Variants in TBXAS1 observed in about 807,000 individuals in gnomAD.
TBXAS1 encodes thromboxane A synthase 1.
In TBXAS1, 48 loss-of-function variants were observed where a neutral mutation model predicts 60.7. The observed-to-expected ratio is 0.79, with a 90% CI of 0.63 to 1.01. The LOEUF is 1.01. Ranked by LOEUF, TBXAS1 falls within the 50% of genes least tolerant of loss-of-function variation. The probability of loss-of-function intolerance (pLI) is 0.00; values close to 1 mark genes in which losing one functional copy is unlikely to be tolerated. For missense variants in TBXAS1, 685 were observed against 686.3 expected, an observed-to-expected ratio of 1.00 and a Z score of 0.02; for synonymous variants, 287 against 269.7, an observed-to-expected ratio of 1.06 and a Z score of -0.63.
At chr7:139,879,184 C>T (rs954043500) in intron 3 of TBXAS1, among the ~76,000 whole-genome samples, 4 of 152,172 alleles carry the variant, frequency 2.6e-5, no homozygotes, top group Non-Finnish European at 5.9e-5. Context: ...TTACCACCAA[C>T]ACTGCCACCA....
chr7:139,805,718 C>CTTTA (rs1797850890), intron 4 of TBXAS1, among the ~76,000 whole-genome samples: 3 of 116,168 alleles, frequency 2.6e-5, no homozygotes, highest in African/African-American at 1.1e-4. Flanking sequence ...TTCTTTCTCT[C>CTTTA]TCTCTCTCTC....
intron 4 of TBXAS1, among the ~76,000 whole-genome samples, chr7:139,803,169 T>G (rs1797763177): frequency 6.6e-6 from 1 of 152,168 alleles, no homozygotes; most frequent in Admixed American, 6.6e-5. Context: ...GTTTGGAACT[T>G]CCTAGAGACT....
At chr7:139,946,819 G>A (rs898372920) in intron 5 of TBXAS1, among the ~76,000 whole-genome samples, 1 of 152,182 alleles carries the variant, frequency 6.6e-6, no homozygotes, top group Admixed American at 6.5e-5. Flanking sequence ...ACTCAGTGAG[G>A]TTAGGCAATG....
chr7:139,951,908 A>AAG (rs1246275928), intron 5 of TBXAS1, among the ~76,000 whole-genome samples: 3 of 27,544 alleles, frequency 1.1e-4, no homozygotes, highest in African/African-American at 2.1e-4. Context: ...GGAAAGAAAG[A>AAG]GAAAGAAAGA....
chr7:139,901,957 A>G (rs1352879748), intron 3 of TBXAS1, among the ~76,000 whole-genome samples: 1 of 151,978 alleles, frequency 6.6e-6, no homozygotes, highest in Non-Finnish European at 1.5e-5. Context: ...TGAAATAATT[A>G]TAGATGGACA....
intron 8 of TBXAS1, among the ~76,000 whole-genome samples, chr7:139,961,600 T>C (rs1450088333): frequency 6.6e-6 from 1 of 152,262 alleles, no homozygotes; most frequent in Non-Finnish European, 1.5e-5. Context: ...TACTGTTCCA[T>C]GACCGGCTTT....
In TBXAS1 at chr7:139,852,927, T is replaced by C. The variant is rs1396448082; in HGVS notation, c.90-19308T>C. On this transcript the variant is annotated intron_variant, in intron 1 of 12. Coordinates refer to ENST00000448866, the MANE Select transcript of TBXAS1 (RefSeq NM_001061.7). The surrounding 1 kb of genome is among the most constrained non-coding windows in gnomAD (Gnocchi z 4.4). ...AATGCCCCTGTGTACCAACCTTGGC[T>C]ACTCCAATACACACACACACACACA... Among the ~76,000 whole-genome samples the C allele has an allele frequency of 6.9e-6, 1 of 144,110 alleles. No homozygotes were observed. Among genetic ancestry groups the C allele is most frequent in the Non-Finnish European group, 1.5e-5 (1 of 66,676 alleles). 94.5% of individuals were successfully genotyped at this position (144,110 alleles called of 152,430 possible).
chr7:139,919,534 A>G (rs1375581761), intron 4 of TBXAS1, among the ~76,000 whole-genome samples: 1 of 152,212 alleles, frequency 6.6e-6, no homozygotes, highest in African/African-American at 2.4e-5. Flanking sequence ...CATTTCTTGC[A>G]TGTTCCAGAA....
At chr7:139,936,342 C>T (rs115514422) in intron 5 of TBXAS1, 35 bp downstream of exon 5, 743 of 1,599,164 alleles carry the variant, frequency 4.6e-4, no homozygotes, top group African/African-American at 4.5e-3. Flanking sequence ...TCTTCTCTTA[C>T]GGAGCAGGTT....
intron 4 of TBXAS1, among the ~76,000 whole-genome samples, chr7:139,816,615 T>C (rs943861144): frequency 2.0e-5 from 3 of 152,156 alleles, no homozygotes; most frequent in Admixed American, 6.5e-5. Flanking sequence ...CCTGGGAAAT[T>C]GGAAGAAATG....
At chr7:139,910,817 C>T in intron 3 of TBXAS1, among the ~76,000 whole-genome samples, 1 of 152,178 alleles carries the variant, frequency 6.6e-6, no homozygotes, top group Admixed American at 6.5e-5. Flanking sequence ...GCTAGAATTC[C>T]TATCTTTCCG....
chr7:139,936,521 C>T (rs1167251242), intron 5 of TBXAS1, among the ~76,000 whole-genome samples: 1 of 152,132 alleles, frequency 6.6e-6, no homozygotes, highest in Admixed American at 6.5e-5. Flanking sequence ...CCCCACTTGC[C>T]ATAAATGAAC....
rs544915619 is a variant in TBXAS1 at position 139,955,228 on chromosome 7, G to A, written c.540-231G>A. Among the ~76,000 whole-genome samples the A allele has an allele frequency of 3.3e-5, 5 of 152,218 alleles. No homozygotes were observed. The East Asian group carries it at 5.8e-4, about 18-fold the overall frequency. Reference sequence around the variant, plus strand: ...TCTCCTCCCAGGTCTTTGTTTAGACGCCAGGTCTTCGTGTCTCCTCCCACC... The same window carrying A: ...TCTCCTCCCAGGTCTTTGTTTAGACACCAGGTCTTCGTGTCTCCTCCCACC... On this transcript the variant is annotated intron_variant, in intron 6 of 12. Transcript: ENST00000448866.
At chr7:139,912,889 C>A (rs1010275308) in intron 4 of TBXAS1, among the ~76,000 whole-genome samples, 6 of 152,150 alleles carry the variant, frequency 3.9e-5, no homozygotes, top group Admixed American at 3.9e-4. Context: ...AAATGATCAA[C>A]CCTGGTAACA....
chr7:140,015,411 TG>T (rs1235119750), intron 10 of TBXAS1, among the ~76,000 whole-genome samples: 1 of 152,098 alleles, frequency 6.6e-6, no homozygotes, highest in Non-Finnish European at 1.5e-5. Context: ...CACCCCGACA[TG>T]GGGCACAAGA....
At chr7:140,009,833 G>GC in intron 10 of TBXAS1, among the ~76,000 whole-genome samples, 1 of 82,460 alleles carries the variant, frequency 1.2e-5, no homozygotes, top group Admixed American at 1.4e-4. Flanking sequence ...CTCCACACCT[G>GC]TCCCATGCCC....
chr7:139,991,192 G>A (rs539876604), intron 9 of TBXAS1, among the ~76,000 whole-genome samples: 21 of 152,306 alleles, frequency 1.4e-4, no homozygotes, highest in East Asian at 3.9e-4. Context: ...GTTTAAGTGC[G>A]TTTATTGTTT....
At chr7:139,786,403 AATT>A (rs1483790458) in intron 3 of TBXAS1, among the ~76,000 whole-genome samples, 2 of 152,168 alleles carry the variant, frequency 1.3e-5, no homozygotes, top group South Asian at 2.1e-4. Context: ...GGAATATAAT[AATT>A]AAGTGATAGA....
intron 5 of TBXAS1, among the ~76,000 whole-genome samples, chr7:139,951,950 A>AG (rs1554496761): frequency 2.1e-4 from 9 of 42,008 alleles, no homozygotes; most frequent in African/African-American, 5.4e-4. Context: ...GGAAAGAAAG[A>AG]AAAGAAAGAA....
Sources: allele counts gnomAD v4.1 joint callset (sites outside exome capture counted in the v4.1 genomes callset), GRCh38; gene constraint gnomAD v4.1.1; non-coding constraint Gnocchi (gnomAD v3.1); transcripts MANE v1.5; gene names NCBI Gene and HGNC (gene_info 2026-07-23, HGNC 2026-07-21).